TBC1D2: variants seen among roughly 807,000 people sequenced by gnomAD.
The protein encoded by TBC1D2 is TBC1 domain family member 2, also known as TBC1 domain family member 2A.
In TBC1D2, 58 loss-of-function variants were observed where a neutral mutation model predicts 91.1. The observed-to-expected ratio is 0.64, with a 90% CI of 0.52 to 0.79. TBC1D2 has a LOEUF of 0.79. Ranked by LOEUF, TBC1D2 falls within the 30% of genes least tolerant of loss-of-function variation. The probability of loss-of-function intolerance (pLI) is 0.00; values close to 1 mark genes in which losing one functional copy is unlikely to be tolerated. For synonymous variants in TBC1D2, 482 were observed against 511.5 expected, an observed-to-expected ratio of 0.94 and a Z score of 0.78; for missense variants, 1,080 against 1,208.3, an observed-to-expected ratio of 0.89 and a Z score of 1.57.
At chr9:98,204,039 G>A (rs539233143) in intron 9 of TBC1D2, among the ~76,000 whole-genome samples, 1 of 152,000 alleles carries the variant, frequency 6.6e-6, no homozygotes, top group South Asian at 2.1e-4. Flanking sequence ...TCCCCTCCCC[G>A]CCAAGTTAGC....
At position 98,201,676 on chromosome 9, in the gene TBC1D2, C is replaced by A. The variant is rs769954649; in HGVS notation, c.2272-12G>T. 26 of 1,604,180 alleles carry A rather than the reference C, an allele frequency of 1.6e-5. No individual in the cohort carries two copies. Among genetic ancestry groups the A allele is most frequent in the East Asian group, 2.2e-5 (1 of 44,714 alleles). On this transcript the variant is annotated splice_polypyrimidine_tract_variant and intron_variant, in intron 10 of 12. Transcript: ENST00000465784. ...ACCCGCTGGTCCACCTGGAAGCCAG[C>A]GAGAGGGCCTGTCATCTGCAGCCCC... is the stretch of plus-strand genomic sequence containing the variant.
intron 3 of TBC1D2, among the ~76,000 whole-genome samples, chr9:98,243,613 T>C (rs2131281323): frequency 6.6e-6 from 1 of 150,472 alleles, no homozygotes. Context: ...CTCGGCTCAC[T>C]GCAACCTCTG....
chr9:98,236,240 T>C (rs1387900070), intron 3 of TBC1D2, among the ~76,000 whole-genome samples: 2 of 151,950 alleles, frequency 1.3e-5, no homozygotes. Flanking sequence ...TTGTTGTTGT[T>C]TGAGATGGAG....
intron 5 of TBC1D2, among the ~76,000 whole-genome samples, chr9:98,226,469 G>T (rs1421237520): frequency 1.3e-5 from 2 of 152,170 alleles, no homozygotes; most frequent in Non-Finnish European, 2.9e-5. Context: ...CTGGGCACAG[G>T]TCTCTCCAGT....
At chr9:98,205,768 G>A (rs896103221) in intron 9 of TBC1D2, among the ~76,000 whole-genome samples, 1 of 151,830 alleles carries the variant, frequency 6.6e-6, no homozygotes, top group Non-Finnish European at 1.5e-5. Flanking sequence ...TTGCCATGTT[G>A]TCCAGGCTGT....
chr9:98,244,405 T>G (rs1448010900), intron 2 of TBC1D2, among the ~76,000 whole-genome samples: 1 of 152,180 alleles, frequency 6.6e-6, no homozygotes. Context: ...ATGCCTGTAA[T>G]CTCAGCAATT....
At chr9:98,206,636 G>C (rs1214343864) in intron 9 of TBC1D2, among the ~76,000 whole-genome samples, 1 of 152,200 alleles carries the variant, frequency 6.6e-6, no homozygotes, top group East Asian at 1.9e-4. Context: ...TTTGGAGAGA[G>C]AGCAGGTTGT....
chr9:98,255,206 T>G lies in TBC1D2; in HGVS notation c.336A>C (p.Glu112Asp), dbSNP rs767841436. The G allele has an allele frequency of 6.2e-7, 1 of 1,610,420 alleles. No homozygotes were observed. Among genetic ancestry groups the G allele is most frequent in the Non-Finnish European group, 8.5e-7 (1 of 1,177,278 alleles). ...CKADAEEGIFEIKTPSRVITL... is the reference protein window; with the variant it reads ...CKADAEEGIFDIKTPSRVITL... Reference sequence around the variant, plus strand: ...TAATAACCCGGCTGGGAGTCTTGATTTCGAAGATCCCCTCCTCAGCGTCCG... The same window carrying G: ...TAATAACCCGGCTGGGAGTCTTGATGTCGAAGATCCCCTCCTCAGCGTCCG... The change falls in exon 1 of 13, where the codon GAA (glutamate) becomes GAC (aspartate). Residue 112 changes from glutamate (E) to aspartate (D), a missense_variant. Transcript: ENST00000465784.
chr9:98,211,990 G>A (rs1395643653), intron 7 of TBC1D2, among the ~76,000 whole-genome samples: 3 of 152,038 alleles, frequency 2.0e-5, no homozygotes, highest in Non-Finnish European at 4.4e-5. Flanking sequence ...TAGAGGCGGG[G>A]CTTCACCATG....
intron 6 of TBC1D2, among the ~76,000 whole-genome samples, chr9:98,215,248 A>G (rs540548453): frequency 1.3e-5 from 2 of 151,618 alleles, no homozygotes; most frequent in Non-Finnish European, 2.9e-5. Context: ...TTCCTGGACC[A>G]CTCCCCACTC....
intron 6 of TBC1D2, among the ~76,000 whole-genome samples, chr9:98,215,984 C>T (rs1176453837): frequency 6.6e-6 from 1 of 152,206 alleles, no homozygotes; most frequent in Non-Finnish European, 1.5e-5. Context: ...ACCCATCAGA[C>T]AGTATAACAA....
chr9:98,204,063 G>A (rs931695039), intron 9 of TBC1D2, among the ~76,000 whole-genome samples: 1 of 152,072 alleles, frequency 6.6e-6, no homozygotes, highest in Admixed American at 6.5e-5. Flanking sequence ...AGGCTCTAAT[G>A]AAATCATGGG....
At chr9:98,218,537 A>G (rs1829023248) in intron 6 of TBC1D2, among the ~76,000 whole-genome samples, 1 of 152,090 alleles carries the variant, frequency 6.6e-6, no homozygotes, top group Admixed American at 6.5e-5. Flanking sequence ...ACTGCACTCC[A>G]GGCTGGGTGA....
chr9:98,237,677 T>C (rs954468953), intron 3 of TBC1D2, among the ~76,000 whole-genome samples: 5 of 150,222 alleles, frequency 3.3e-5, no homozygotes, highest in Non-Finnish European at 1.5e-5. Flanking sequence ...CGGCTAATTT[T>C]TTTTGTATTT....
At chr9:98,245,392 C>T (rs1025909298) in intron 2 of TBC1D2, among the ~76,000 whole-genome samples, 2 of 152,002 alleles carry the variant, frequency 1.3e-5, no homozygotes, top group African/African-American at 4.8e-5. Flanking sequence ...CATGGCAAAA[C>T]CCCATCTCTA....
rs10985528 is a variant in TBC1D2, at chr9:98,228,820, A to C, written c.978+132T>G. The stretch of plus-strand genomic sequence containing the variant: ...TCAACAGCATATTTCAACATTCTGC[A>C]GTTTGGCCTTTAAAGACCAGAGAGT... On this transcript the variant is annotated intron_variant, in intron 5 of 12. Transcript: ENST00000465784. The surrounding 1 kb of genome is among the most constrained non-coding windows in gnomAD (Gnocchi z 4.0). 0.083 allele frequency: 66,449 copies of C among 799,394 alleles called. 3,177 individuals carry two copies. The highest frequency in any genetic ancestry group is 0.099 in the Middle Eastern group (259 of 2,608). The allele number at this position is 799,394 out of a possible 1,614,324, so 49.5% of individuals were successfully genotyped here.
At chr9:98,253,151 T>C (rs73488773) in intron 1 of TBC1D2, among the ~76,000 whole-genome samples, 7,482 of 152,192 alleles carry the variant, frequency 0.049, 369 homozygotes, top group African/African-American at 0.13. Flanking sequence ...AGGCACTGAA[T>C]ACAGGGGTGA....
chr9:98,229,281 T>A, intron 4 of TBC1D2, 133 bp from the exon 5 acceptor site: 1 of 773,902 alleles, frequency 1.3e-6, no homozygotes, highest in Non-Finnish European at 2.1e-6. Flanking sequence ...GCTCTGGATT[T>A]AATAGGTCTG....
chr9:98,254,305 GT>G (rs141775309), intron 1 of TBC1D2, among the ~76,000 whole-genome samples: 18,304 of 152,170 alleles, frequency 0.12, 2,534 homozygotes, highest in African/African-American at 0.34. Flanking sequence ...TCTGACCTTG[GT>G]TCCATCACCT....
Sources: gnomAD v4.1 joint callset for allele counts (sites outside exome capture counted in the v4.1 genomes callset) on GRCh38, gnomAD v4.1.1 for gene constraint, Gnocchi (gnomAD v3.1) non-coding constraint, MANE v1.5 for transcripts, NCBI Gene and HGNC (gene_info 2026-07-23, HGNC 2026-07-21) for gene names.